ZNF343: variants seen among roughly 807,000 people sequenced by gnomAD.
ZNF343 encodes the protein zinc finger protein 343.
Under a neutral mutation model 13.8 loss-of-function variants are expected in ZNF343, and 11 were observed. The observed-to-expected ratio is 0.80, with a 90% CI of 0.50 to 1.32. ZNF343 has a LOEUF of 1.32. Among genes scored for constraint, ZNF343 ranks in the 40% most tolerant of loss-of-function variants. The pLI is 0.00. For synonymous variants in ZNF343, 248 were observed against 260.0 expected, an observed-to-expected ratio of 0.95 and a Z score of 0.44; for missense variants, 658 against 714.2, an observed-to-expected ratio of 0.92 and a Z score of 0.90.
chr20:2,500,522 T>C (rs2122675486), intron 2 of ZNF343, 134 bp downstream of exon 2: 1 of 152,208 alleles, frequency 6.6e-6, no homozygotes, highest in East Asian at 1.9e-4. Context: ...CCCAGTATTG[T>C]AGAAAAACAA....
intron 1 of ZNF343, among the ~76,000 whole-genome samples, chr20:2,515,652 T>A (rs2085756073): frequency 6.6e-6 from 1 of 152,236 alleles, no homozygotes; most frequent in African/African-American, 2.4e-5. Flanking sequence ...TTAGTATGGG[T>A]TATCTTGTTA....
intron 5 of ZNF343, among the ~76,000 whole-genome samples, chr20:2,486,336 G>C (rs906376454): frequency 2.6e-5 from 4 of 152,178 alleles, no homozygotes; most frequent in Non-Finnish European, 5.9e-5. Context: ...AGATAATTTA[G>C]ATTTACTGAG....
At chr20:2,493,491 A>G (rs1178518975) in intron 4 of ZNF343, 28 bp downstream of exon 4, 3 of 539,694 alleles carry the variant, frequency 5.6e-6, no homozygotes, top group African/African-American at 2.1e-5. Context: ...GCACTTCAGG[A>G]AAAAAAAAAA....
chr20:2,487,919 C>A (rs571891103), intron 5 of ZNF343, among the ~76,000 whole-genome samples: 1 of 152,180 alleles, frequency 6.6e-6, no homozygotes, highest in Non-Finnish European at 1.5e-5. Context: ...AAGTTGAACA[C>A]CTTTTCAAAC....
At chr20:2,514,000 T>C (rs2085749099) in intron 1 of ZNF343, among the ~76,000 whole-genome samples, 1 of 152,190 alleles carries the variant, frequency 6.6e-6, no homozygotes, top group Admixed American at 6.5e-5. Context: ...GACCACTTAA[T>C]GGGCACAGGA....
chr20:2,489,221 A>C (rs1010879737), intron 5 of ZNF343, among the ~76,000 whole-genome samples: 3 of 152,204 alleles, frequency 2.0e-5, no homozygotes, highest in Admixed American at 6.5e-5. Flanking sequence ...TAACTTTGAA[A>C]TAATTTGGCC....
intron 5 of ZNF343, among the ~76,000 whole-genome samples, chr20:2,486,313 A>G (rs775700281): frequency 1.3e-5 from 2 of 152,200 alleles, no homozygotes; most frequent in Non-Finnish European, 2.9e-5. Flanking sequence ...GGAAAGTATC[A>G]TCATTTCACT....
chr20:2,523,938 C>T (rs372086816), intron 1 of ZNF343, among the ~76,000 whole-genome samples: 6 of 144,482 alleles, frequency 4.2e-5, no homozygotes, highest in Non-Finnish European at 7.4e-5. Flanking sequence ...GAGCTGAGAT[C>T]GTGCCACTGC....
chr20:2,483,505 T>C lies in ZNF343; in HGVS notation c.1456A>G (p.Thr486Ala). 1.2e-6 allele frequency: 2 copies of C among 1,612,630 alleles called. No individual in the cohort carries two copies. Among genetic ancestry groups the C allele is most frequent in the Non-Finnish European group, 1.7e-6 (2 of 1,179,716 alleles). Residue 486 changes from threonine (T) to alanine (A), a missense_variant, in exon 6 of 6, where the codon ACA becomes GCA. Coordinates refer to ENST00000278772, the MANE Select transcript of ZNF343 (RefSeq NM_024325.6). ...ACATAATGCTTCTCCCCTGAGTGTG[T>C]CCTCTGGTGGACAAGGAGGAGTGAT... ...RKSLLLVHQR[T>A]HSGEKHYVCR...
chr20:2,514,803 G>A (rs1027453092), intron 1 of ZNF343, among the ~76,000 whole-genome samples: 4 of 151,986 alleles, frequency 2.6e-5, no homozygotes, highest in Admixed American at 6.6e-5. Flanking sequence ...CTAATATGGC[G>A]AAACCCCATC....
At chr20:2,490,892 G>A (rs919702041) in intron 5 of ZNF343, among the ~76,000 whole-genome samples, 6 of 152,282 alleles carry the variant, frequency 3.9e-5, no homozygotes, top group Non-Finnish European at 5.9e-5. Context: ...AACACACACA[G>A]AACGAGTCCG....
intron 5 of ZNF343, among the ~76,000 whole-genome samples, chr20:2,489,751 T>C (rs1317343804): frequency 6.6e-6 from 1 of 152,012 alleles, no homozygotes; most frequent in East Asian, 1.9e-4. Context: ...CTTATTAAAC[T>C]GTCTCCCCTG....
chr20:2,482,788 TTCTTTTA>T lies in ZNF343; in HGVS notation c.*366_*372del. 1.3e-5 allele frequency: 3 copies of T among 227,122 alleles called. No homozygotes were observed. The highest frequency in any genetic ancestry group is 9.9e-5 in the East Asian group (1 of 10,112). 14.1% of individuals were successfully genotyped at this position (227,122 alleles called of 1,614,324 possible). Reference sequence around the variant, plus strand: ...GGGCCACTCTGTGCCTGAGTGTCCATTCTTTTACTGATGCTCCCCAACACTCCCCAGA... The same window carrying T: ...GGGCCACTCTGTGCCTGAGTGTCCATCTGATGCTCCCCAACACTCCCCAGA... On this transcript the variant is annotated 3_prime_UTR_variant, in exon 6 of 6. Coordinates refer to ENST00000278772, the MANE Select transcript of ZNF343 (RefSeq NM_024325.6).
rs1434016844 is a variant in ZNF343 at position 2,482,516 on chromosome 20, T to G, written c.*645A>C. 3 of 153,148 alleles carry G rather than the reference T, an allele frequency of 2.0e-5. No individual in the cohort carries two copies. The highest frequency in any genetic ancestry group is 4.4e-5 in the Non-Finnish European group (3 of 68,818). 9.5% of individuals were successfully genotyped at this position (153,148 alleles called of 1,614,324 possible). A position where few individuals can be genotyped will look rare whatever the true frequency, so the allele number is the denominator to read the frequency against. On this transcript the variant is annotated 3_prime_UTR_variant, in exon 6 of 6. Coordinates refer to ENST00000278772, the MANE Select transcript of ZNF343 (RefSeq NM_024325.6). ...AAGGGTTGGGGCCAGAAGGTACCCC[T>G]GCAAAGGTGCATTGCCCCTGTGGTG... is the stretch of plus-strand genomic sequence containing the variant.
intron 5 of ZNF343, among the ~76,000 whole-genome samples, chr20:2,485,896 T>G (rs1454176682): frequency 6.6e-6 from 1 of 152,226 alleles, no homozygotes; most frequent in Non-Finnish European, 1.5e-5. Context: ...TCAGCAGCTG[T>G]CAGGCTCTGC....
At chr20:2,506,595 C>A (rs1200095775) in intron 1 of ZNF343, among the ~76,000 whole-genome samples, 2 of 152,188 alleles carry the variant, frequency 1.3e-5, no homozygotes, top group African/African-American at 4.8e-5. Context: ...CACATGTACA[C>A]CACGGAATAC....
At chr20:2,484,719 G>C in intron 5 of ZNF343, 63 bp from the exon 6 acceptor site, 1 of 1,449,192 alleles carries the variant, frequency 6.9e-7, no homozygotes, top group Non-Finnish European at 9.3e-7. Context: ...GTTCTGCCTT[G>C]TCTTAGGACA....
chr20:2,509,311 A>G (rs1354162634), upstream of ZNF343, among the ~76,000 whole-genome samples: 1 of 152,150 alleles, frequency 6.6e-6, no homozygotes, highest in Admixed American at 6.5e-5. Flanking sequence ...GCTCCATAGC[A>G]CGCGAACTAC....
intron 1 of ZNF343, among the ~76,000 whole-genome samples, chr20:2,522,289 A>ATTT: frequency 6.6e-6 from 1 of 152,196 alleles, no homozygotes; most frequent in Non-Finnish European, 1.5e-5. Flanking sequence ...AATTGGTTCT[A>ATTT]ACTCATTTTA....
Sources: allele counts gnomAD v4.1 joint callset (sites outside exome capture counted in the v4.1 genomes callset), GRCh38; gene constraint gnomAD v4.1.1; transcripts MANE v1.5; gene names NCBI Gene and HGNC (gene_info 2026-07-23, HGNC 2026-07-21).